ICE2: variants seen among roughly 807,000 people sequenced by gnomAD.
ICE2 encodes the protein interactor of little elongation complex ELL subunit 2.
A neutral mutation model predicts 105.4 loss-of-function variants in ICE2; 87 were observed. The ratio of observed to expected loss-of-function variants is 0.83; its 90% confidence interval spans 0.69 to 0.99. The LOEUF is 0.99. ICE2 is among the 50% of genes least tolerant of loss of function. The pLI, the probability that ICE2 is intolerant of heterozygous loss-of-function variation, is 0.00. For synonymous variants in ICE2, 399 were observed against 392.0 expected (o/e 1.02, Z -0.21); for missense variants, 1,323 against 1,146.7 (o/e 1.15, Z -2.22).
intron 3 of ICE2, among the ~76,000 whole-genome samples, chr15:60,469,175 T>A (rs976105432): frequency 3.3e-5 from 5 of 152,204 alleles, no homozygotes; most frequent in South Asian, 2.1e-4. Context: ...GAGGCCATTA[T>A]CCTCAGCAAA....
intron 12 of ICE2, chr15:60,438,210 C>T (rs1048359382): frequency 3.3e-5 from 5 of 152,110 alleles, no homozygotes; most frequent in Non-Finnish European, 7.4e-5. Flanking sequence ...CATCAACTAG[C>T]ATGATGAGAA....
At chr15:60,474,415 C>T (rs78705741) in intron 3 of ICE2, among the ~76,000 whole-genome samples, 3 of 151,902 alleles carry the variant, frequency 2.0e-5, no homozygotes, top group Non-Finnish European at 2.9e-5. Flanking sequence ...AGTAAAGGAA[C>T]GGAAACAAGC....
chr15:60,425,673 G>T (rs975496849), intron 15 of ICE2, among the ~76,000 whole-genome samples: 2 of 152,146 alleles, frequency 1.3e-5, no homozygotes, highest in African/African-American at 2.4e-5. Flanking sequence ...GTGACTATGG[G>T]ATCACATTAG....
chr15:60,429,684 C>A (rs368946031), intron 14 of ICE2, among the ~76,000 whole-genome samples: 2 of 152,044 alleles, frequency 1.3e-5, no homozygotes, highest in African/African-American at 4.8e-5. Flanking sequence ...TAAACCTAAT[C>A]GGTTACATTT....
Position 60,449,330 on chromosome 15 carries a change from T to C in ICE2, c.1637A>G (p.Glu546Gly). 1.1e-5 allele frequency: 17 copies of C among 1,613,194 alleles called. No individual in the cohort carries two copies. The highest frequency in any genetic ancestry group is 1.4e-5 in the Non-Finnish European group (17 of 1,180,008). ...HADGERPNVL[E>G]NLDNSKEKTV... ...CTTTTCCTTTGAGTTGTCTAGGTTTTCTAGAACATTAGGTCTTTCACCATC... is the reference window on the plus strand; with the variant it reads ...CTTTTCCTTTGAGTTGTCTAGGTTTCCTAGAACATTAGGTCTTTCACCATC... Residue 546 changes from glutamate (E) to glycine (G), a missense_variant, in exon 10 of 16, where the codon GAA becomes GGA. Coordinates refer to ENST00000261520, the MANE Select transcript of ICE2 (RefSeq NM_024611.6).
chr15:60,474,301 C>A (rs1035651761), intron 3 of ICE2, among the ~76,000 whole-genome samples: 9 of 152,024 alleles, frequency 5.9e-5, no homozygotes, highest in Admixed American at 3.3e-4. Context: ...TTTTTAATGG[C>A]AATCTGGCAA....
chr15:60,419,674 C>G lies in ICE2; in HGVS notation c.*3960G>C, dbSNP rs949177628. On this transcript the variant is annotated 3_prime_UTR_variant, in exon 16 of 16. Transcript: ENST00000261520. Reference sequence around the variant, plus strand: ...CAAGAAACTCAATAAATCTTAATATCAAATACGTTAAGGTTTGATTAAAAA... The same window carrying G: ...CAAGAAACTCAATAAATCTTAATATGAAATACGTTAAGGTTTGATTAAAAA... The G allele has an allele frequency of 6.6e-6, 1 of 152,066 alleles. No homozygotes were observed. Among genetic ancestry groups the G allele is most frequent in the Non-Finnish European group, 1.5e-5 (1 of 68,002 alleles). The allele number at this position is 152,066 out of a possible 1,614,324, so 9.4% of individuals were successfully genotyped here.
At position 60,423,772 on chromosome 15, in the gene ICE2, G is replaced by A. The variant is rs777897027; in HGVS notation, c.2821-10C>T. On this transcript the variant is annotated splice_polypyrimidine_tract_variant and intron_variant, in intron 15 of 15. Coordinates refer to ENST00000261520, the MANE Select transcript of ICE2 (RefSeq NM_024611.6). ...TTCTCGTTCCACCAATCTAAGAGAT[G>A]AAGCAGAGAACAGAATAGCTTAATG... 1 of 1,574,902 alleles carries A rather than the reference G, an allele frequency of 6.3e-7. No individual in the cohort carries two copies. The highest frequency in any genetic ancestry group is 1.2e-5 in the South Asian group (1 of 83,306).
At chr15:60,432,047 GCTC>G (rs1183431178) in intron 13 of ICE2, 63 bp from the exon 14 acceptor site, 3 of 835,868 alleles carry the variant, frequency 3.6e-6, no homozygotes, top group Non-Finnish European at 5.9e-6. Context: ...AGCAATTATA[GCTC>G]CTCAGGCAGA....
At chr15:60,427,409 C>A (rs996865481) in intron 15 of ICE2, among the ~76,000 whole-genome samples, 5 of 152,112 alleles carry the variant, frequency 3.3e-5, no homozygotes, top group African/African-American at 9.7e-5. Context: ...TTGTAGAGAG[C>A]AAAACTTTTT....
chr15:60,453,821 T>A, intron 8 of ICE2, 37 bp from the exon 9 acceptor site: 1 of 1,468,856 alleles, frequency 6.8e-7, no homozygotes, highest in Non-Finnish European at 9.4e-7. Context: ...GTGATTAGTA[T>A]CTAATTGTGA....
intron 12 of ICE2, among the ~76,000 whole-genome samples, chr15:60,437,162 G>A (rs1286297583): frequency 6.6e-6 from 1 of 151,918 alleles, no homozygotes; most frequent in Admixed American, 6.6e-5. Context: ...GGCTGAGGCA[G>A]GATAATTGTT....
At chr15:60,429,044 CATTT>C (rs903021612) in intron 14 of ICE2, among the ~76,000 whole-genome samples, 23 of 152,078 alleles carry the variant, frequency 1.5e-4, no homozygotes, top group Non-Finnish European at 1.0e-4. Context: ...CATTTTCATT[CATTT>C]AACACTGCAA....
intron 2 of ICE2, among the ~76,000 whole-genome samples, chr15:60,476,470 C>T (rs1334718537): frequency 4.6e-5 from 7 of 152,166 alleles, no homozygotes; most frequent in Admixed American, 1.3e-4. Flanking sequence ...ATAGAAAAGA[C>T]TGAAGTATAA....
At chr15:60,445,271 T>G (rs941136307) in intron 11 of ICE2, among the ~76,000 whole-genome samples, 1 of 152,202 alleles carries the variant, frequency 6.6e-6, no homozygotes, top group African/African-American at 2.4e-5. Context: ...TTAGTTTAAA[T>G]AGTACCACTT....
intron 5 of ICE2, among the ~76,000 whole-genome samples, chr15:60,461,494 G>A (rs2064275573): frequency 6.6e-6 from 1 of 151,988 alleles, no homozygotes; most frequent in Non-Finnish European, 1.5e-5. Flanking sequence ...GATTTAAAAG[G>A]GAGGCTTTAG....
Position 60,468,443 on chromosome 15 carries a change from T to C in ICE2, c.147-121A>G, listed in dbSNP as rs73420010. On this transcript the variant is annotated intron_variant, in intron 3 of 15. Transcript: ENST00000261520. ...GTGATTAACAGAGTAAACTCTGGAT[T>C]ATTATCTAACTCTGCCACCTGCATT... 3.9e-4 allele frequency: 288 copies of C among 746,134 alleles called. 4 individuals are homozygous for C. The highest frequency in any genetic ancestry group is 3.3e-3 in the African/African-American group (189 of 56,918). The allele number at this position is 746,134 out of a possible 1,614,324, so 46.2% of individuals were successfully genotyped here.
At chr15:60,477,577 C>T (rs2064799789) in intron 2 of ICE2, among the ~76,000 whole-genome samples, 1 of 152,134 alleles carries the variant, frequency 6.6e-6, no homozygotes. Flanking sequence ...TAACAAAAAG[C>T]ATGTCTATTC....
intron 11 of ICE2, chr15:60,442,935 G>C (rs1008749682): frequency 6.5e-6 from 1 of 154,678 alleles, no homozygotes; most frequent in African/African-American, 2.4e-5. Flanking sequence ...TTATATACTA[G>C]TCATTTTCAA....
Sources: allele counts gnomAD v4.1 joint callset (sites outside exome capture counted in the v4.1 genomes callset), GRCh38; gene constraint gnomAD v4.1.1; transcripts MANE v1.5; gene names NCBI Gene and HGNC (gene_info 2026-07-23, HGNC 2026-07-21).